The following FAM83A variants were observed in gnomAD, a reference collection of about 807,000 sequenced individuals.
The protein encoded by FAM83A is protein FAM83A.
FAM83A carries 21 observed loss-of-function variants against 24.4 expected under a neutral mutation model. That is an observed-to-expected ratio of 0.86 (90% CI 0.61 to 1.24). The LOEUF (loss-of-function observed/expected upper bound fraction) is 1.24. Ranked by LOEUF, FAM83A falls within the 50% of genes most tolerant of loss-of-function variation. The pLI, the probability that FAM83A is intolerant of heterozygous loss-of-function variation, is 0.00. For missense variants in FAM83A, 617 were observed against 579.8 expected, an observed-to-expected ratio of 1.06 and a Z score of -0.66; for synonymous variants, 270 against 252.4, an observed-to-expected ratio of 1.07 and a Z score of -0.66.
At chr8:123,207,288 C>T (rs1340489465) in exon 4 of FAM83A, 1 of 1,612,426 alleles carries the variant, frequency 6.2e-7, no homozygotes, top group Non-Finnish European at 8.5e-7. Context: ...CTGAAGTCCC[C>T]GCGGCTGGTC....
At chr8:123,189,599 A>G (rs72722030) in intron 1 of FAM83A, among the ~76,000 whole-genome samples, 9 of 152,346 alleles carry the variant, frequency 5.9e-5, no homozygotes, top group Non-Finnish European at 1.3e-4. Flanking sequence ...AGATAGATGC[A>G]TATCTGATGC....
At chr8:123,182,838 C>A in exon 1 of FAM83A, 3 of 1,518,920 alleles carry the variant, frequency 2.0e-6, no homozygotes. Flanking sequence ...TCCCCCAGCA[C>A]CACCCAGGGA....
At chr8:123,179,946 A>G (rs1210806842), upstream of FAM83A, 2 of 152,200 alleles carry the variant, frequency 1.3e-5, no homozygotes, top group African/African-American at 4.8e-5. Flanking sequence ...CAATCAGAGG[A>G]TCTGTAATGC....
At position 123,202,767 on chromosome 8, in the gene FAM83A, G is replaced by A. The variant is rs79139404; in HGVS notation, c.774-4390G>A. ...GTCTAGCATTTTTTTTAAATGACAC[G>A]GAATAGAATAAAAATAATCAGACCA... On this transcript the variant is annotated intron_variant, in intron 3 of 3. Transcript: ENST00000690554. 7.9e-5 allele frequency: 12 copies of A among 152,540 alleles called. No homozygotes were observed. The East Asian group carries it at 1.9e-3, about 25-fold the overall frequency. The allele number at this position is 152,540 out of a possible 1,614,324, so 9.4% of individuals were successfully genotyped here.
chr8:123,183,109 C>G (rs143528210), exon 1 of FAM83A: 4 of 1,613,936 alleles, frequency 2.5e-6, no homozygotes, highest in Non-Finnish European at 3.4e-6. Flanking sequence ...CCCAGACACC[C>G]TGGGAGGGGC....
chr8:123,189,959 G>A (rs1342093995), intron 1 of FAM83A, among the ~76,000 whole-genome samples: 1 of 152,012 alleles, frequency 6.6e-6, no homozygotes, highest in East Asian at 1.9e-4. Context: ...TTTTGCTTTG[G>A]GCTTACCTAC....
At chr8:123,190,255 A>G (rs1823927764) in intron 1 of FAM83A, among the ~76,000 whole-genome samples, 1 of 152,080 alleles carries the variant, frequency 6.6e-6, no homozygotes. Flanking sequence ...TTAAATTTTT[A>G]TGTATTTTCT....
intron 3 of FAM83A, among the ~76,000 whole-genome samples, chr8:123,204,094 T>A (rs964438490): frequency 1.3e-5 from 2 of 152,058 alleles, no homozygotes; most frequent in Non-Finnish European, 2.9e-5. Context: ...GAAGGGACCC[T>A]ATGGCTAGAT....
chr8:123,196,632 C>G (rs1291576631), intron 3 of FAM83A, among the ~76,000 whole-genome samples: 1 of 152,186 alleles, frequency 6.6e-6, no homozygotes, highest in African/African-American at 2.4e-5. Context: ...TGATAATTCT[C>G]CTCTCTTCCC....
At position 123,209,329 on chromosome 8, in the gene FAM83A, C is replaced by G. The variant is rs959474542; in HGVS notation, c.*1641C>G. 4 of 1,433,824 alleles carry G rather than the reference C, an allele frequency of 2.8e-6. No homozygotes were observed. Among genetic ancestry groups the G allele is most frequent in the Non-Finnish European group, 3.6e-6 (4 of 1,100,382 alleles). The allele number at this position is 1,433,824 out of a possible 1,614,324, so 88.8% of individuals were successfully genotyped here. A position where few individuals can be genotyped will look rare whatever the true frequency, so the allele number is the denominator to read the frequency against. On this transcript the variant is annotated 3_prime_UTR_variant, in exon 4 of 4. Coordinates refer to ENST00000690554, the Ensembl canonical transcript of FAM83A. The surrounding 1 kb of genome is among the most constrained non-coding windows in gnomAD (Gnocchi z 4.7). ...CCCTCTGTTCCAATTCTCCACTGCTCCCAGCATGATCTGGGGCATCTTGGC... is the reference window on the plus strand; with the variant it reads ...CCCTCTGTTCCAATTCTCCACTGCTGCCAGCATGATCTGGGGCATCTTGGC...
chr8:123,182,375 C>T, upstream of FAM83A: 2 of 357,874 alleles, frequency 5.6e-6, no homozygotes, highest in South Asian at 4.1e-5. Context: ...TTTGAAACAG[C>T]ATGGGAATCG....
chr8:123,204,460 A>G (rs1057336078), intron 3 of FAM83A, among the ~76,000 whole-genome samples: 1 of 152,204 alleles, frequency 6.6e-6, no homozygotes, highest in Non-Finnish European at 1.5e-5. Context: ...GGGCCAAACA[A>G]CAATAGAAAT....
intron 3 of FAM83A, 53 bp from the exon 4 acceptor site, chr8:123,207,104 C>A: frequency 8.6e-7 from 1 of 1,166,200 alleles, no homozygotes; most frequent in East Asian, 3.1e-5. Flanking sequence ...TCCACTTCCC[C>A]TCCCCATCCT....
intron 1 of FAM83A, among the ~76,000 whole-genome samples, chr8:123,190,963 A>C (rs114369657): frequency 0.011 from 1,623 of 152,276 alleles, 14 homozygotes; most frequent in African/African-American, 0.019. Flanking sequence ...CTCTTATTAG[A>C]ATAACTTAGA....
exon 1 of FAM83A, chr8:123,183,196 G>A (rs548147359): frequency 3.1e-6 from 5 of 1,613,544 alleles, no homozygotes; most frequent in South Asian, 1.1e-5. Flanking sequence ...AGAGGGCAGC[G>A]AGCCGGCCCT....
At position 123,182,988 on chromosome 8, in the gene FAM83A, TGG is replaced by T; in HGVS notation, c.136_137del (p.Gly46PhefsTer2). On this transcript the variant is annotated frameshift_variant, in exon 1 of 4. Transcript: ENST00000690554. LOFTEE classifies it high-confidence loss of function. ...GGCTGGCCACGGACGCCCTCTTGGA[TGG>T]GGGTTCTGAAGCCTACTGGCGGGTG... The T allele has an allele frequency of 6.2e-7, 1 of 1,612,060 alleles. No homozygotes were observed. The highest frequency in any genetic ancestry group is 8.5e-7 in the Non-Finnish European group (1 of 1,178,812).
chr8:123,199,897 C>T (rs1319318124), intron 3 of FAM83A: 1 of 154,086 alleles, frequency 6.5e-6, no homozygotes, highest in Non-Finnish European at 1.5e-5. Flanking sequence ...TTCCCCCAGC[C>T]CTCAACCCTT....
chr8:123,207,974 A>G (rs761694011), exon 4 of FAM83A: 6 of 1,209,780 alleles, frequency 5.0e-6, no homozygotes, highest in Non-Finnish European at 6.2e-6. Context: ...CCTGTCTTCC[A>G]GAGATCATCC....
In FAM83A at chr8:123,191,997, G is replaced by A. The variant is rs188113331; in HGVS notation, c.648+27G>A. 1,192 of 1,611,982 alleles carry A rather than the reference G, an allele frequency of 7.4e-4. 2 individuals carry two copies. The highest frequency in any genetic ancestry group is 8.8e-4 in the Non-Finnish European group (1,040 of 1,178,708). ...TAGGGGCCCCAATGAGAGTCCTAAG[G>A]GTACTCATATTAGCCCAGATAGGAT... On this transcript the variant is annotated intron_variant, in intron 2 of 3. Coordinates refer to ENST00000690554, the Ensembl canonical transcript of FAM83A.
Sources: gnomAD v4.1 joint callset for allele counts (sites outside exome capture counted in the v4.1 genomes callset) on GRCh38, gnomAD v4.1.1 for gene constraint, Gnocchi (gnomAD v3.1) non-coding constraint, MANE v1.5 for transcripts, NCBI Gene and HGNC (gene_info 2026-07-23, HGNC 2026-07-21) for gene names.